The following CLCN3 variants were observed in gnomAD, a reference collection of about 807,000 sequenced individuals.
The protein encoded by CLCN3 is Cl-/H+ antiporter 3.
CLCN3 carries 16 observed loss-of-function variants against 83.4 expected under a neutral mutation model. The observed-to-expected ratio is 0.19, with a 90% confidence interval of 0.13 to 0.29. CLCN3 has a LOEUF of 0.29. Among genes scored for constraint, CLCN3 ranks in the 10% least tolerant of loss-of-function variants. The pLI, the probability that CLCN3 is intolerant of heterozygous loss-of-function variation, is 1.00. For synonymous variants in CLCN3, 322 were observed against 346.2 expected, an observed-to-expected ratio of 0.93 and a Z score of 0.78; for missense variants, 544 against 1,006.0, an observed-to-expected ratio of 0.54 and a Z score of 6.21.
At chr4:169,710,872 T>G (rs565169345) in intron 11 of CLCN3, among the ~76,000 whole-genome samples, 8 of 152,328 alleles carry the variant, frequency 5.3e-5, no homozygotes, top group African/African-American at 1.9e-4. Context: ...TAGTTATTAC[T>G]GTTTTAGAGA....
chr4:169,712,787 C>A (rs1296619431), intron 11 of CLCN3, among the ~76,000 whole-genome samples: 2 of 152,170 alleles, frequency 1.3e-5, no homozygotes. Context: ...TCCTTAGCCC[C>A]CAAGTTAGAA....
At chr4:169,711,946 C>T (rs1733233444) in intron 11 of CLCN3, among the ~76,000 whole-genome samples, 1 of 151,670 alleles carries the variant, frequency 6.6e-6, no homozygotes, top group African/African-American at 2.4e-5. Flanking sequence ...CTGACTGCAG[C>T]CCTGACCTTC....
intron 2 of CLCN3, among the ~76,000 whole-genome samples, chr4:169,666,641 G>C (rs534399940): frequency 6.6e-6 from 1 of 152,170 alleles, no homozygotes; most frequent in Non-Finnish European, 1.5e-5. Context: ...AAGGCATCAC[G>C]TAATAGTTCT....
rs150635179 is a variant in CLCN3 at position 169,713,278 on chromosome 4, C to T, written c.2349C>T (p.Cys783=). 110 of 1,612,764 alleles carry T rather than the reference C, an allele frequency of 6.8e-5. No individual in the cohort carries two copies. The highest frequency in any genetic ancestry group is 9.2e-5 in the Non-Finnish European group (108 of 1,178,924). The change falls in exon 12 of 13, where the codon TGC becomes TGT. Residue 783 remains cysteine (C), a synonymous_variant. Transcript: ENST00000513761. ...DIFRKLGLRQ[C]LVTHNGRLLG... ...TCCGAAAGCTGGGACTGAGGCAGTG[C>T]CTTGTAACTCACAATGGGTAAGTCT...
chr4:169,707,644 C>T (rs1337915746), intron 11 of CLCN3, among the ~76,000 whole-genome samples: 1 of 152,122 alleles, frequency 6.6e-6, no homozygotes, highest in Non-Finnish European at 1.5e-5. Context: ...TATTGGAATA[C>T]AAGTTATTGA....
At chr4:169,638,910 G>C (rs1289701633) in intron 2 of CLCN3, among the ~76,000 whole-genome samples, 4 of 152,196 alleles carry the variant, frequency 2.6e-5, no homozygotes, top group Admixed American at 6.5e-5. Context: ...TGAAATTACT[G>C]ATTGGTTAGG....
chr4:169,631,411 G>A (rs1344579210), intron 1 of CLCN3, among the ~76,000 whole-genome samples: 1 of 151,886 alleles, frequency 6.6e-6, no homozygotes, highest in African/African-American at 2.4e-5. Context: ...CCCAGCCTCC[G>A]GAGTAGCTGG....
chr4:169,631,735 A>G (rs4692573), intron 1 of CLCN3, among the ~76,000 whole-genome samples: 147,677 of 152,290 alleles, frequency 0.97, 71,755 homozygotes, highest in East Asian at 1. Context: ...AGAAACAACA[A>G]AGGTGACATT....
At chr4:169,686,749 C>T (rs1732175040) in intron 3 of CLCN3, among the ~76,000 whole-genome samples, 2 of 152,164 alleles carry the variant, frequency 1.3e-5, no homozygotes, top group Non-Finnish European at 2.9e-5. Flanking sequence ...AGTCCTAGTA[C>T]AACAGAAGAG....
intron 11 of CLCN3, among the ~76,000 whole-genome samples, chr4:169,712,571 A>G (rs974634822): frequency 1.3e-5 from 2 of 152,250 alleles, no homozygotes; most frequent in East Asian, 3.8e-4. Context: ...ATTATACTTT[A>G]ACATGAGAAA....
chr4:169,648,716 G>A (rs986866339), intron 2 of CLCN3, among the ~76,000 whole-genome samples: 3 of 152,144 alleles, frequency 2.0e-5, no homozygotes, highest in Non-Finnish European at 4.4e-5. Flanking sequence ...ACTGTGATAC[G>A]ATAAGGGCTG....
chr4:169,669,672 A>C (rs992173264), intron 2 of CLCN3, among the ~76,000 whole-genome samples: 2 of 152,176 alleles, frequency 1.3e-5, no homozygotes, highest in African/African-American at 4.8e-5. Context: ...AGAAAATATA[A>C]AAGGCTGAAG....
Position 169,723,479 on chromosome 4 carries a change from GTGA to G in CLCN3, c.*3484_*3486del, listed in dbSNP as rs1446429631. The G allele has an allele frequency of 2.0e-5, 3 of 148,368 alleles. No homozygotes were observed. The highest frequency in any genetic ancestry group is 7.7e-5 in the African/African-American group (3 of 38,918). The allele number at this position is 148,368 out of a possible 1,614,324, so 9.2% of individuals were successfully genotyped here. On this transcript the variant is annotated 3_prime_UTR_variant, in exon 13 of 13. Coordinates refer to ENST00000513761, the MANE Select transcript of CLCN3 (RefSeq NM_001829.4). ...ATTTCATTTCAGCTCACTTTCAAAAGTGATTTTTTTTTTTTTCGCAAGAAAAAT... is the reference window on the plus strand; with the variant it reads ...ATTTCATTTCAGCTCACTTTCAAAAGTTTTTTTTTTTTTCGCAAGAAAAAT...
Position 169,690,596 on chromosome 4 carries a change from G to T in CLCN3, c.673G>T (p.Ala225Ser), listed in dbSNP as rs760259652. The T allele has an allele frequency of 4.3e-6, 7 of 1,613,566 alleles. No homozygotes were observed. The highest frequency in any genetic ancestry group is 1.7e-6 in the Non-Finnish European group (2 of 1,179,686). ...IFWALSFAFL[A>S]VSLVKVFAPY... ...CTGGGCCTTGAGTTTTGCCTTTCTTGCAGTTTCCCTGGTAAAGGTATTTGC... is the reference window on the plus strand; with the variant it reads ...CTGGGCCTTGAGTTTTGCCTTTCTTTCAGTTTCCCTGGTAAAGGTATTTGC... The change falls in exon 6 of 13, where the codon GCA becomes TCA. Residue 225 changes from alanine to serine, a missense_variant. By Grantham distance (99) the Ala-to-Ser change is moderately conservative. Transcript: ENST00000513761.
chr4:169,621,968 A>C (rs1412792796), intron 1 of CLCN3, among the ~76,000 whole-genome samples: 2 of 152,200 alleles, frequency 1.3e-5, no homozygotes, highest in African/African-American at 4.8e-5. Flanking sequence ...CTTGTTCTAT[A>C]ATATGGCTTT....
rs891750060 is a variant in CLCN3 at position 169,660,322 on chromosome 4, G to C, written c.161-19728G>C. ...GAAATGTCACTTTCTTTTTAAGCTAGCAAGCTTTTTCTTTTTCTTTTTCTT... is the reference window on the plus strand; with the variant it reads ...GAAATGTCACTTTCTTTTTAAGCTACCAAGCTTTTTCTTTTTCTTTTTCTT... On this transcript the variant is annotated intron_variant, in intron 2 of 12. Transcript: ENST00000513761. The C allele has an allele frequency of 1.6e-5, 22 of 1,370,108 alleles. No individual in the cohort carries two copies. The South Asian group carries it at 4.1e-4, about 26-fold the overall frequency. 84.9% of individuals were successfully genotyped at this position (1,370,108 alleles called of 1,614,324 possible).
intron 1 of CLCN3, among the ~76,000 whole-genome samples, chr4:169,634,628 A>G (rs1271135018): frequency 2.0e-5 from 3 of 152,202 alleles, no homozygotes; most frequent in African/African-American, 2.4e-5. Context: ...AGCAGCAAGT[A>G]TTTACATTTT....
intron 9 of CLCN3, 71 bp downstream of exon 9, chr4:169,697,805 G>T (rs1261277532): frequency 6.0e-6 from 6 of 995,984 alleles, no homozygotes; most frequent in Non-Finnish European, 8.9e-6. Context: ...AATGAGAGAG[G>T]TTGTTGTTTC....
intron 2 of CLCN3, among the ~76,000 whole-genome samples, chr4:169,657,270 A>G (rs11941753): frequency 0.1 from 15,149 of 152,170 alleles, 937 homozygotes; most frequent in East Asian, 0.17. Context: ...TTCTTAAAAA[A>G]TTGTATTGCT....
Sources: allele counts gnomAD v4.1 joint callset (sites outside exome capture counted in the v4.1 genomes callset), GRCh38; gene constraint gnomAD v4.1.1; transcripts MANE v1.5; gene names NCBI Gene and HGNC (gene_info 2026-07-23, HGNC 2026-07-21).